CRADD: variants seen among roughly 807,000 people sequenced by gnomAD.
The protein encoded by CRADD is death domain-containing protein CRADD.
Under a neutral mutation model 15.5 loss-of-function variants are expected in CRADD, and 9 were observed. The observed-to-expected ratio is 0.58, with a 90% CI of 0.35 to 1.01. CRADD has a LOEUF of 1.01. Among genes scored for constraint, CRADD ranks in the 50% least tolerant of loss-of-function variants. CRADD has a pLI of 0.02. For missense variants in CRADD, 227 were observed against 250.3 expected (o/e 0.91, Z 0.63); for synonymous variants, 118 against 107.6 (o/e 1.10, Z -0.60).
intron 2 of CRADD, among the ~76,000 whole-genome samples, chr12:93,871,607 T>A (rs764416328): frequency 4.6e-5 from 7 of 152,156 alleles, no homozygotes; most frequent in Non-Finnish European, 1.5e-5. Context: ...CTACTCTCTA[T>A]GTCCAGGAGT....
chr12:93,796,436 C>G (rs1957419565), intron 2 of CRADD, among the ~76,000 whole-genome samples: 1 of 151,972 alleles, frequency 6.6e-6, no homozygotes, highest in African/African-American at 2.4e-5. Context: ...GAAACCCTAT[C>G]TCTACTAAAA....
chr12:93,728,998 T>C (rs1956417650), intron 2 of CRADD, among the ~76,000 whole-genome samples: 1 of 152,194 alleles, frequency 6.6e-6, no homozygotes, highest in Non-Finnish European at 1.5e-5. Context: ...GGGCCAGTTA[T>C]ATTTCAAAAT....
intron 2 of CRADD, among the ~76,000 whole-genome samples, chr12:93,711,055 C>CCCCCTTTTT: frequency 8.7e-4 from 38 of 43,508 alleles, no homozygotes; most frequent in South Asian, 1.3e-3. Context: ...CCACCCCCGC[C>CCCCCTTTTT]TTTTTTTTTT....
At chr12:93,686,053 A>G (rs1955426593) in intron 2 of CRADD, among the ~76,000 whole-genome samples, 1 of 151,096 alleles carries the variant, frequency 6.6e-6, no homozygotes, top group African/African-American at 2.4e-5. Context: ...TAATCCCTAC[A>G]CTTTGGGAGG....
chr12:93,887,016 G>C (rs1455293894), intron 2 of CRADD, among the ~76,000 whole-genome samples: 1 of 152,230 alleles, frequency 6.6e-6, no homozygotes, highest in East Asian at 1.9e-4. Context: ...TAGGTGGGTT[G>C]CCCACAGTTA....
chr12:93,779,180 T>TTCCATAGAAACATAGATGTTTCAA (rs1565910550), intron 2 of CRADD, among the ~76,000 whole-genome samples: 32 of 152,344 alleles, frequency 2.1e-4, no homozygotes, highest in Admixed American at 2.0e-3. Context: ...CAATGTTTCA[T>TTCCATAGAAACATAGATGTTTCAA]TCCATAGAAA....
chr12:93,861,483 C>G (rs554765828), intron 2 of CRADD, among the ~76,000 whole-genome samples: 1 of 152,322 alleles, frequency 6.6e-6, no homozygotes, highest in East Asian at 1.9e-4. Context: ...GGCTGTCAGC[C>G]CTCTTCAAGT....
chr12:93,836,552 A>G (rs1957974981), intron 2 of CRADD, among the ~76,000 whole-genome samples: 1 of 152,170 alleles, frequency 6.6e-6, no homozygotes, highest in Non-Finnish European at 1.5e-5. Flanking sequence ...AACCTTGACA[A>G]TATTTTACCA....
At chr12:93,745,734 T>A (rs775906816) in intron 2 of CRADD, among the ~76,000 whole-genome samples, 1 of 152,220 alleles carries the variant, frequency 6.6e-6, no homozygotes, top group East Asian at 1.9e-4. Flanking sequence ...TGAATGATGG[T>A]CGTGGGCATT....
chr12:93,856,900 ATGTAATAACTGCC>A (rs762296581), intron 2 of CRADD, among the ~76,000 whole-genome samples: 26 of 152,232 alleles, frequency 1.7e-4, no homozygotes, highest in Non-Finnish European at 3.7e-4. Context: ...AAGTTTTTAA[ATGTAATAACTGCC>A]TGTTTACTTC....
At position 93,745,664 on chromosome 12, in the gene CRADD, C is replaced by T. The variant is rs1175166295; in HGVS notation, c.298+66592C>T. ...ATCTCAGGTGACTCTATATCTGAAACGTGCAATGTAGGTAAGGTACTTCTG... is the reference window on the plus strand; with the variant it reads ...ATCTCAGGTGACTCTATATCTGAAATGTGCAATGTAGGTAAGGTACTTCTG... On this transcript the variant is annotated intron_variant, in intron 2 of 2. Coordinates refer to ENST00000332896, the MANE Select transcript of CRADD (RefSeq NM_003805.5). Among the ~76,000 whole-genome samples, 3 of 152,224 alleles carry T rather than the reference C, an allele frequency of 2.0e-5. No homozygotes were observed. The East Asian group carries it at 5.8e-4, about 29-fold the overall frequency.
At chr12:93,809,365 A>G (rs1197173932) in intron 2 of CRADD, among the ~76,000 whole-genome samples, 1 of 152,230 alleles carries the variant, frequency 6.6e-6, no homozygotes, top group Non-Finnish European at 1.5e-5. Context: ...AGTTTGAGGA[A>G]CATCGGTGTT....
intron 2 of CRADD, among the ~76,000 whole-genome samples, chr12:93,759,154 A>T (rs1447599047): frequency 6.6e-6 from 1 of 152,212 alleles, no homozygotes; most frequent in Non-Finnish European, 1.5e-5. Context: ...CTATGTTATA[A>T]ATGTTTACTT....
intron 2 of CRADD, among the ~76,000 whole-genome samples, chr12:93,808,526 C>T (rs1475580803): frequency 1.3e-5 from 2 of 152,106 alleles, no homozygotes; most frequent in Non-Finnish European, 2.9e-5. Flanking sequence ...CATCAGTTCT[C>T]ATTTTATTAT....
chr12:93,743,554 T>TAGAA (rs1207649174), intron 2 of CRADD, among the ~76,000 whole-genome samples: 3 of 152,196 alleles, frequency 2.0e-5, no homozygotes, highest in Non-Finnish European at 4.4e-5. Flanking sequence ...TGGTCTCGAA[T>TAGAA]AGAACATTAT....
In CRADD at chr12:93,870,570, C is replaced by A. The variant is rs181451908; in HGVS notation, c.299-23480C>A. Among the ~76,000 whole-genome samples the A allele has an allele frequency of 1.2e-4, 19 of 152,252 alleles. 2 individuals carry two copies. The highest frequency in any genetic ancestry group is 4.6e-4 in the African/African-American group (19 of 41,542). On this transcript the variant is annotated intron_variant, in intron 2 of 2. Coordinates refer to the CRADD transcript ENST00000548483. ...AGGTCTTGCTTCCACCACCATGCACCGCCACCAGTAGGGTGGAAGCTCTGC... is the reference window on the plus strand; with the variant it reads ...AGGTCTTGCTTCCACCACCATGCACAGCCACCAGTAGGGTGGAAGCTCTGC...
Position 93,744,951 on chromosome 12 carries a change from C to T in CRADD, c.298+65879C>T, listed in dbSNP as rs555694662. ...TTGCATTTTAAAAAGAATGGTTTTC[C>T]TCTGCACTCTGATTTTAACCATGGA... On this transcript the variant is annotated intron_variant, in intron 2 of 2. Coordinates refer to ENST00000332896, the MANE Select transcript of CRADD (RefSeq NM_003805.5). Among the ~76,000 whole-genome samples, 4 of 152,208 alleles carry T rather than the reference C, an allele frequency of 2.6e-5. No individual in the cohort carries two copies. In the South Asian group the frequency reaches 8.3e-4, roughly 32 times the overall value.
intron 2 of CRADD, among the ~76,000 whole-genome samples, chr12:93,768,658 C>T (rs995228261): frequency 6.6e-6 from 1 of 152,070 alleles, no homozygotes; most frequent in Admixed American, 6.5e-5. Flanking sequence ...AACATGTTTT[C>T]AAGCCAATAA....
intron 2 of CRADD, among the ~76,000 whole-genome samples, chr12:93,698,007 C>T (rs1955751820): frequency 6.6e-6 from 1 of 152,172 alleles, no homozygotes; most frequent in African/African-American, 2.4e-5. Context: ...ATGCTCCTTT[C>T]CTCTGGGGAT....
Sources: gnomAD v4.1 joint callset for allele counts (sites outside exome capture counted in the v4.1 genomes callset) on GRCh38, gnomAD v4.1.1 for gene constraint, MANE v1.5 for transcripts, NCBI Gene and HGNC (gene_info 2026-07-23, HGNC 2026-07-21) for gene names.